PTPRZ1: variants seen among roughly 807,000 people sequenced by gnomAD.
The protein encoded by PTPRZ1 is protein tyrosine phosphatase receptor type Z1, also known as receptor-type tyrosine-protein phosphatase zeta.
PTPRZ1 carries 82 observed loss-of-function variants against 214.1 expected under a neutral mutation model. The observed-to-expected ratio is 0.38, with a 90% confidence interval of 0.32 to 0.46. The LOEUF is 0.46. Ranked by LOEUF, PTPRZ1 falls within the 20% of genes least tolerant of loss-of-function variation. The pLI is 1.00. For missense variants in PTPRZ1, 2,603 were observed against 2,748.7 expected, an observed-to-expected ratio of 0.95 and a Z score of 1.19; for synonymous variants, 945 against 987.9, an observed-to-expected ratio of 0.96 and a Z score of 0.81.
chr7:121,895,461 A>T (rs781275144), intron 1 of PTPRZ1, among the ~76,000 whole-genome samples: 1 of 152,236 alleles, frequency 6.6e-6, no homozygotes, highest in African/African-American at 2.4e-5. Context: ...AAAAATAGCA[A>T]TGCCCTTTTT....
intron 1 of PTPRZ1, among the ~76,000 whole-genome samples, chr7:121,898,658 G>A (rs1794874983): frequency 6.6e-6 from 1 of 152,160 alleles, no homozygotes. Context: ...AAATTGAGAA[G>A]TCTGCTCAGG....
chr7:122,012,534 C>T lies in PTPRZ1; in HGVS notation c.3488C>T (p.Pro1163Leu). ...SDPASSEMLS[P>L]STQLLFYETS... Reference sequence around the variant, plus strand: ...CCTGCTTCTAGTGAAATGTTATCTCCTTCAACTCAGCTCTTATTTTATGAG... The same window carrying T: ...CCTGCTTCTAGTGAAATGTTATCTCTTTCAACTCAGCTCTTATTTTATGAG... Residue 1163 changes from proline (P) to leucine (L), a missense_variant, in exon 12 of 30, where the codon CCT (proline) becomes CTT (leucine). By Grantham distance (98) the Pro-to-Leu change is moderately conservative (BLOSUM62 -3). Around this residue, in one of 6 missense-constraint regions of PTPRZ1, gnomAD observed 1,913 missense variants for 1,914.3 expected, o/e 1.00. Transcript: ENST00000393386. The T allele has an allele frequency of 2.5e-6, 4 of 1,614,138 alleles. No homozygotes were observed. Among genetic ancestry groups the T allele is most frequent in the Non-Finnish European group, 3.4e-6 (4 of 1,180,008 alleles).
chr7:122,010,425 A>C lies in PTPRZ1; in HGVS notation c.1379A>C (p.Gln460Pro), dbSNP rs1265540503. The change falls in exon 12 of 30, where the codon CAG becomes CCG. Residue 460 changes from glutamine (Q) to proline (P), a missense_variant. Coordinates refer to ENST00000393386, the MANE Select transcript of PTPRZ1 (RefSeq NM_002851.3). ...AACCAAATCAGGAAAAAGGAACCCCAGATTTCTACCACAACACACTACAAT... is the reference window on the plus strand; with the variant it reads ...AACCAAATCAGGAAAAAGGAACCCCCGATTTCTACCACAACACACTACAAT... Reference protein sequence around the residue: ...ATNQIRKKEPQISTTTHYNRI... With the variant: ...ATNQIRKKEPPISTTTHYNRI... The C allele has an allele frequency of 6.2e-7, 1 of 1,613,956 alleles. No individual in the cohort carries two copies. Among genetic ancestry groups the C allele is most frequent in the East Asian group, 2.2e-5 (1 of 44,890 alleles).
At position 121,877,793 on chromosome 7, in the gene PTPRZ1, T is replaced by C. The variant is rs1422790078; in HGVS notation, c.58+4236T>C. 3.3e-5 allele frequency among the ~76,000 whole-genome samples: 5 copies of C among 152,198 alleles called. No individual in the cohort carries two copies. In the South Asian group the frequency reaches 1.0e-3, roughly 32 times the overall value. The stretch of plus-strand genomic sequence containing the variant: ...GTCGAAAATAAGTCTTTTCCAAATA[T>C]CTCTTAATGTGTTGAATATGTTAAC... On this transcript the variant is annotated intron_variant, in intron 1 of 29. Transcript: ENST00000393386.
intron 2 of PTPRZ1, among the ~76,000 whole-genome samples, chr7:121,942,049 G>A (rs1206518): frequency 0.066 from 10,049 of 152,226 alleles, 602 homozygotes; most frequent in African/African-American, 0.16. Flanking sequence ...CAAGCTCAGT[G>A]AGAATCAATT....
intron 8 of PTPRZ1, among the ~76,000 whole-genome samples, chr7:121,990,786 C>T (rs1797936844): frequency 1.3e-5 from 2 of 152,114 alleles, no homozygotes; most frequent in South Asian, 4.1e-4. Context: ...TCCCAAAGTG[C>T]TGAGATTACA....
In PTPRZ1 at chr7:122,011,847, A is replaced by T. The variant is rs1798676269; in HGVS notation, c.2801A>T (p.Glu934Val). ...CCTTCTTATGCCTTGTCTGATAATGAGGGCTCCCAACACATCTTCACTGTT... is the reference window on the plus strand; with the variant it reads ...CCTTCTTATGCCTTGTCTGATAATGTGGGCTCCCAACACATCTTCACTGTT... The part of the protein sequence containing the change: ...PEPSYALSDN[E>V]GSQHIFTVSY... Residue 934 changes from glutamate to valine, a missense_variant, in exon 12 of 30, where the codon GAG becomes GTG. Transcript: ENST00000393386. 6.2e-7 allele frequency: 1 copy of T among 1,613,648 alleles called. No homozygotes were observed. The highest frequency in any genetic ancestry group is 2.2e-5 in the East Asian group (1 of 44,896).
At chr7:121,890,411 T>C (rs1350970365) in intron 1 of PTPRZ1, among the ~76,000 whole-genome samples, 2 of 152,178 alleles carry the variant, frequency 1.3e-5, no homozygotes, top group Admixed American at 6.6e-5. Context: ...TTACATTTTT[T>C]CATGATCTCC....
intron 2 of PTPRZ1, among the ~76,000 whole-genome samples, chr7:121,946,710 G>A (rs1796387455): frequency 6.6e-6 from 1 of 152,158 alleles, no homozygotes; most frequent in Non-Finnish European, 1.5e-5. Flanking sequence ...GCAGTGGAAA[G>A]CCTGACAGAT....
chr7:122,017,622 C>T (rs1029198184), intron 12 of PTPRZ1, among the ~76,000 whole-genome samples: 9 of 151,424 alleles, frequency 5.9e-5, no homozygotes, highest in Non-Finnish European at 1.0e-4. Context: ...AGTGCAGTGG[C>T]GTGATCTCAG....
intron 12 of PTPRZ1, among the ~76,000 whole-genome samples, chr7:122,014,357 G>A (rs1798782351): frequency 2.0e-5 from 3 of 152,010 alleles, no homozygotes; most frequent in Admixed American, 6.6e-5. Context: ...ACTTCTCTCT[G>A]ACACACCCCT....
chr7:122,050,731 AAAG>A (rs1263950859), intron 23 of PTPRZ1, among the ~76,000 whole-genome samples: 1 of 152,168 alleles, frequency 6.6e-6, no homozygotes, highest in Non-Finnish European at 1.5e-5. Context: ...GGCAATCATC[AAAG>A]AAGATATCTT....
chr7:122,044,414 T>C lies in PTPRZ1; in HGVS notation c.5938-8T>C, dbSNP rs1426613400. The C allele has an allele frequency of 1.2e-6, 2 of 1,613,476 alleles. No homozygotes were observed. The highest frequency in any genetic ancestry group is 1.7e-6 in the Non-Finnish European group (2 of 1,179,636). On this transcript the variant is annotated splice_region_variant and splice_polypyrimidine_tract_variant and intron_variant, in intron 22 of 29. Transcript: ENST00000393386. Reference sequence around the variant, plus strand: ...AACTAATGTTGCTTATTGTCATTGTTTTGCCAGGAGCAATATGTCTTCATT... The same window carrying C: ...AACTAATGTTGCTTATTGTCATTGTCTTGCCAGGAGCAATATGTCTTCATT...
chr7:121,973,940 GAAAAAAAAAA>G (rs371692415), intron 4 of PTPRZ1, among the ~76,000 whole-genome samples: 24 of 86,224 alleles, frequency 2.8e-4, no homozygotes, highest in African/African-American at 4.7e-4. Context: ...TCTCAAAAAA[GAAAAAAAAAA>G]AAAAAAAAAA....
At chr7:121,940,975 T>A (rs1026939439) in intron 2 of PTPRZ1, among the ~76,000 whole-genome samples, 1 of 152,228 alleles carries the variant, frequency 6.6e-6, no homozygotes, top group African/African-American at 2.4e-5. Context: ...TAGCAGACTA[T>A]GCACCTTCTT....
intron 2 of PTPRZ1, among the ~76,000 whole-genome samples, chr7:121,963,823 A>G (rs1796954723): frequency 6.6e-6 from 1 of 152,024 alleles, no homozygotes; most frequent in Admixed American, 6.6e-5. Flanking sequence ...TTGACTGCCT[A>G]TCCTGCCTCA....
chr7:121,976,135 C>G, intron 4 of PTPRZ1, 38 bp from the exon 5 acceptor site: 1 of 1,385,792 alleles, frequency 7.2e-7, no homozygotes, highest in South Asian at 1.2e-5. Context: ...TTTATGAAGT[C>G]TTTGTGTATC....
Position 122,051,435 on chromosome 7 carries a change from G to T in PTPRZ1, c.6092G>T (p.Ser2031Ile). 1.9e-6 allele frequency: 3 copies of T among 1,612,396 alleles called. No individual in the cohort carries two copies. The highest frequency in any genetic ancestry group is 2.5e-6 in the Non-Finnish European group (3 of 1,179,356). Residue 2031 changes from serine (S) to isoleucine (I), a missense_variant, in exon 24 of 30, where the codon AGC becomes ATC. Transcript: ENST00000393386. ...TTTTACTTTCTTGCCCAGCTCCTGA[G>T]CCAGTCAAATATACAGCAGAGTGAC... ...TKLEKQFQLL[S>I]QSNIQQSDYS...
At chr7:122,000,427 G>C (rs1360996277) in intron 10 of PTPRZ1, among the ~76,000 whole-genome samples, 1 of 151,452 alleles carries the variant, frequency 6.6e-6, no homozygotes, top group Admixed American at 6.6e-5. Flanking sequence ...ATAGATGTAA[G>C]TGGCTTTTGA....
Sources: allele counts gnomAD v4.1 joint callset (sites outside exome capture counted in the v4.1 genomes callset), GRCh38; gene constraint gnomAD v4.1.1; regional missense constraint gnomAD v4.1.1; transcripts MANE v1.5; gene names NCBI Gene and HGNC (gene_info 2026-07-23, HGNC 2026-07-21).